The following MTR variants were observed in gnomAD, a reference collection of about 807,000 sequenced individuals.
MTR encodes 5-methyltetrahydrofolate-homocysteine methyltransferase.
MTR carries 84 observed loss-of-function variants against 154.8 expected under a neutral mutation model. The ratio of observed to expected loss-of-function variants is 0.54; its 90% confidence interval spans 0.45 to 0.65. The LOEUF is 0.65. MTR is among the 30% of genes least tolerant of loss of function. The probability of loss-of-function intolerance (pLI) is 0.00; values close to 1 mark genes in which losing one functional copy is unlikely to be tolerated. For missense variants in MTR, 1,275 were observed against 1,570.2 expected (o/e 0.81, Z 3.18); for synonymous variants, 554 against 553.9 (o/e 1.00, Z 0.00).
chr1:236,902,788 G>A lies in MTR; in HGVS notation c.*5144G>A, dbSNP rs912771663. ...GTATTTCATATTAGATGCGGCCCAA[G>A]TGATACTTTCTTTACCGTCCCGTGA... On this transcript the variant is annotated 3_prime_UTR_variant, in exon 33 of 33. Coordinates refer to ENST00000366577, the MANE Select transcript of MTR (RefSeq NM_000254.3). 1 of 152,212 alleles carries A rather than the reference G, an allele frequency of 6.6e-6. No individual in the cohort carries two copies. The highest frequency in any genetic ancestry group is 2.4e-5 in the African/African-American group (1 of 41,440). The allele number at this position is 152,212 out of a possible 1,614,324, so 9.4% of individuals were successfully genotyped here.
chr1:236,886,188 T>C, intron 26 of MTR, 104 bp from the exon 27 acceptor site: 1 of 906,480 alleles, frequency 1.1e-6, no homozygotes, highest in Non-Finnish European at 1.8e-6. Flanking sequence ...ATAAGAGCAT[T>C]TGCTTTCTTG....
intron 24 of MTR, 60 bp from the exon 25 acceptor site, chr1:236,880,695 G>A: frequency 5.3e-6 from 7 of 1,327,112 alleles, no homozygotes; most frequent in Non-Finnish European, 6.5e-6. Flanking sequence ...CGCTGAACAA[G>A]AGTTGTATAG....
chr1:236,817,549 C>T (rs1211951856), intron 8 of MTR, among the ~76,000 whole-genome samples: 1 of 152,114 alleles, frequency 6.6e-6, no homozygotes, highest in Non-Finnish European at 1.5e-5. Context: ...GCAATAACAC[C>T]TTGAGGGTAG....
Position 236,852,530 on chromosome 1 carries a change from C to G in MTR, c.1705C>G (p.Pro569Ala). ...HATKVIKETL[P>A]GARISGGLSN... is the part of the protein sequence containing the mutation. ...TTAAAATTTTTGCCAGGAAACATTA[C>G]CTGGAGCCAGAATAAGTGGAGGTCT... Residue 569 changes from proline (P) to alanine (A), a missense_variant, in exon 17 of 33, where the codon CCT becomes GCT. Coordinates refer to ENST00000366577, the MANE Select transcript of MTR (RefSeq NM_000254.3). The G allele has an allele frequency of 6.2e-7, 1 of 1,613,678 alleles. No homozygotes were observed. The highest frequency in any genetic ancestry group is 2.2e-5 in the East Asian group (1 of 44,860).
rs753506566 is a variant in MTR at position 236,806,171 on chromosome 1, A to G, written c.277A>G (p.Ile93Val). Residue 93 changes from isoleucine (I) to valine (V), a missense_variant, in exon 3 of 33, where the codon ATT becomes GTT. Physicochemically the swap from Ile to Val is conservative, Grantham distance 29 (BLOSUM62 3). Coordinates refer to ENST00000366577, the MANE Select transcript of MTR (RefSeq NM_000254.3). ...KEYLLAGADI[I>V]ETNTFSSTSI... ...ATACTTGCTGGCTGGGGCAGATATC[A>G]TTGAAACAAATACTTTTAGCAGCAC... The G allele has an allele frequency of 1.2e-6, 2 of 1,614,172 alleles. No homozygotes were observed. Among genetic ancestry groups the G allele is most frequent in the Non-Finnish European group, 1.7e-6 (2 of 1,180,012 alleles).
intron 19 of MTR, 74 bp downstream of exon 19, chr1:236,859,996 C>T: frequency 7.8e-7 from 1 of 1,279,476 alleles, no homozygotes; most frequent in Non-Finnish European, 1.1e-6. Flanking sequence ...GGCGGTGTGA[C>T]AGTAGCTGGA....
intron 22 of MTR, among the ~76,000 whole-genome samples, chr1:236,865,120 C>T (rs562484028): frequency 6.6e-5 from 10 of 152,224 alleles, no homozygotes. Context: ...CAGGGTGCTA[C>T]TGGAACTGAA....
In MTR at chr1:236,862,343, G is replaced by A; in HGVS notation, c.2304G>A (p.Glu768=). 2 of 1,612,098 alleles carry A rather than the reference G, an allele frequency of 1.2e-6. No homozygotes were observed. Among genetic ancestry groups the A allele is most frequent in the Non-Finnish European group, 1.7e-6 (2 of 1,178,230 alleles). ...TGCTTAACGGCACAGTAGAAGAAGA[G>A]GCAAGTCATTTTGTTCAGGCCTATG... is the stretch of plus-strand genomic sequence containing the variant. ...TRVLNGTVEE[E]DPYQGTIVLA... is the part of the protein sequence containing the mutation. The change falls in exon 21 of 33, where the codon GAG becomes GAA. Residue 768 remains glutamate (E), a splice_region_variant and synonymous_variant. Coordinates refer to ENST00000366577, the MANE Select transcript of MTR (RefSeq NM_000254.3).
intron 18 of MTR, among the ~76,000 whole-genome samples, chr1:236,859,470 G>A (rs1664396392): frequency 6.6e-6 from 1 of 152,176 alleles, no homozygotes; most frequent in Non-Finnish European, 1.5e-5. Context: ...CCCTGCATCT[G>A]TTTTTGGGTA....
At position 236,897,520 on chromosome 1, in the gene MTR, T is replaced by C. The variant is rs537501327; in HGVS notation, c.3712-38T>C. ...GGAAACTTCTATTCCAAAAGTCTTA[T>C]CATGTTGGTTTAATAAAATGCTTCT... On this transcript the variant is annotated intron_variant, in intron 32 of 32. Transcript: ENST00000366577. The C allele has an allele frequency of 3.1e-5, 49 of 1,574,720 alleles. 2 individuals are homozygous for C. The South Asian group carries it at 4.7e-4, about 15-fold the overall frequency.
chr1:236,835,820 G>A, intron 14 of MTR, 133 bp downstream of exon 14: 1 of 1,222,100 alleles, frequency 8.2e-7, no homozygotes, highest in Non-Finnish European at 1.2e-6. Flanking sequence ...AAACAGGGTA[G>A]TTTCTGATTG....
intron 10 of MTR, among the ~76,000 whole-genome samples, chr1:236,825,686 C>T (rs1239859753): frequency 6.6e-6 from 1 of 152,120 alleles, no homozygotes; most frequent in Non-Finnish European, 1.5e-5. Context: ...TGCAGCCTTC[C>T]CAAATTGTAG....
At chr1:236,842,296 G>A (rs1292860132) in intron 15 of MTR, among the ~76,000 whole-genome samples, 1 of 152,172 alleles carries the variant, frequency 6.6e-6, no homozygotes, top group African/African-American at 2.4e-5. Flanking sequence ...GCGATGATGA[G>A]CCATCCATTA....
chr1:236,880,756 A>G lies in MTR; in HGVS notation c.2596A>G (p.Thr866Ala). 1 of 1,613,970 alleles carries G rather than the reference A, an allele frequency of 6.2e-7. No individual in the cohort carries two copies. Residue 866 changes from threonine to alanine, a missense_variant and splice_region_variant, in exon 25 of 33, where the codon ACC becomes GCC. Transcript: ENST00000366577. ...LLIGGATTSK[T>A]HTAVKIAPRY... is the part of the protein sequence containing the mutation. ...TTTCTTTCTGACCCTTCTTTTTAGA[A>G]CCCACACAGCAGTTAAAATAGCTCC...
At position 236,900,218 on chromosome 1, in the gene MTR, G is replaced by A; in HGVS notation, c.*2574G>A. 2 of 353,902 alleles carry A rather than the reference G, an allele frequency of 5.7e-6. No homozygotes were observed. The highest frequency in any genetic ancestry group is 2.3e-5 in the South Asian group (1 of 44,080). 21.9% of individuals were successfully genotyped at this position (353,902 alleles called of 1,614,324 possible). A position where few individuals can be genotyped will look rare whatever the true frequency, so the allele number is the denominator to read the frequency against. ...ATTAGATATATATATTCATTCTACG[G>A]GATATTATTCAGTAGTGGAAATGAG... On this transcript the variant is annotated 3_prime_UTR_variant, in exon 33 of 33. Coordinates refer to ENST00000366577, the MANE Select transcript of MTR (RefSeq NM_000254.3).
chr1:236,821,786 A>G (rs1342808923), intron 8 of MTR, among the ~76,000 whole-genome samples: 4 of 152,340 alleles, frequency 2.6e-5, no homozygotes, highest in African/African-American at 9.6e-5. Context: ...GCAGATGCCC[A>G]GTTGTTCCAG....
intron 1 of MTR, among the ~76,000 whole-genome samples, chr1:236,796,684 C>G (rs1206060160): frequency 6.6e-6 from 1 of 151,640 alleles, no homozygotes; most frequent in East Asian, 1.9e-4. Context: ...AGAAACACAT[C>G]ACTGCTGTTA....
intron 21 of MTR, 29 bp from the exon 22 acceptor site, chr1:236,863,425 C>G (rs754420749): frequency 5.0e-6 from 8 of 1,597,166 alleles, no homozygotes; most frequent in Non-Finnish European, 6.9e-6. Flanking sequence ...ACAACCCTGC[C>G]TTGCTGAGCT....
chr1:236,863,396 A>G lies in MTR; in HGVS notation c.2305-58A>G, dbSNP rs12731423. 3.1e-3 allele frequency: 4,208 copies of G among 1,362,556 alleles called. 13 individuals carry two copies. Among genetic ancestry groups the G allele is most frequent in the Non-Finnish European group, 4.1e-3 (3,906 of 953,236 alleles). 84.4% of individuals were successfully genotyped at this position (1,362,556 alleles called of 1,614,324 possible). Reference sequence around the variant, plus strand: ...GCTGGCCCCTGCCTGGCTCTGGAGAACTAGGTGTTCCACCCTAAACAACCC... The same window carrying G: ...GCTGGCCCCTGCCTGGCTCTGGAGAGCTAGGTGTTCCACCCTAAACAACCC... On this transcript the variant is annotated intron_variant, in intron 21 of 32. Transcript: ENST00000366577.
Sources: allele counts gnomAD v4.1 joint callset (sites outside exome capture counted in the v4.1 genomes callset), GRCh38; gene constraint gnomAD v4.1.1; transcripts MANE v1.5; gene names NCBI Gene and HGNC (gene_info 2026-07-23, HGNC 2026-07-21).